The following CUL2 variants were observed in gnomAD, a reference collection of about 807,000 sequenced individuals.
CUL2 encodes the protein cullin-2.
Under a neutral mutation model 110.2 loss-of-function variants are expected in CUL2, and 22 were observed. That is an observed-to-expected ratio of 0.20 (90% CI 0.14 to 0.28). CUL2 has a LOEUF of 0.28. Ranked by LOEUF, CUL2 falls within the 10% of genes least tolerant of loss-of-function variation. The probability of loss-of-function intolerance (pLI) is 1.00; values close to 1 mark genes in which losing one functional copy is unlikely to be tolerated. For missense variants in CUL2, 631 were observed against 905.5 expected (o/e 0.70, Z 3.89); for synonymous variants, 279 against 293.2 (o/e 0.95, Z 0.49).
At chr10:35,035,884 CA>C (rs1256590636) in intron 9 of CUL2, among the ~76,000 whole-genome samples, 2 of 152,196 alleles carry the variant, frequency 1.3e-5, no homozygotes, top group Non-Finnish European at 2.9e-5. Flanking sequence ...AATGTGTTGC[CA>C]AATGTTTTGA....
chr10:35,086,504 C>A (rs2087068733), intron 1 of CUL2, among the ~76,000 whole-genome samples: 3 of 152,042 alleles, frequency 2.0e-5, no homozygotes, highest in Admixed American at 1.3e-4. Flanking sequence ...CCAAGCTGGT[C>A]TCAAGCTGCT....
intron 1 of CUL2, chr10:35,074,204 G>A: frequency 2.0e-6 from 3 of 1,535,408 alleles, no homozygotes; most frequent in Non-Finnish European, 2.6e-6. Flanking sequence ...AAGCCAAAAA[G>A]TTGACCATGT....
At chr10:35,043,328 T>G (rs996254733) in intron 8 of CUL2, among the ~76,000 whole-genome samples, 6 of 151,452 alleles carry the variant, frequency 4.0e-5, no homozygotes, top group African/African-American at 1.2e-4. Flanking sequence ...CAATAAGGGC[T>G]AAGAGCTTAG....
intron 5 of CUL2, among the ~76,000 whole-genome samples, chr10:35,050,796 T>C (rs1212383001): frequency 6.6e-6 from 1 of 152,258 alleles, no homozygotes; most frequent in Non-Finnish European, 1.5e-5. Flanking sequence ...GATTCCTGTA[T>C]GCATCATTTG....
intron 3 of CUL2, among the ~76,000 whole-genome samples, chr10:35,062,542 T>A (rs2134931360): frequency 6.6e-6 from 1 of 152,072 alleles, no homozygotes; most frequent in Admixed American, 6.6e-5. Context: ...GACTCAAAGA[T>A]CTTAATATGT....
intron 1 of CUL2, among the ~76,000 whole-genome samples, chr10:35,086,254 A>C (rs1002340829): frequency 6.6e-6 from 1 of 151,758 alleles, no homozygotes; most frequent in Non-Finnish European, 1.5e-5. Flanking sequence ...CCTAACACTT[A>C]GGGAGGCTGA....
At chr10:35,068,393 C>A (rs1174885429) in intron 2 of CUL2, among the ~76,000 whole-genome samples, 13 of 150,586 alleles carry the variant, frequency 8.6e-5, no homozygotes, top group Non-Finnish European at 1.8e-4. Context: ...CTATGCCTAA[C>A]AAAAAAAAGA....
At chr10:35,126,333 A>C (rs2087820903) in intron 1 of CUL2, among the ~76,000 whole-genome samples, 1 of 152,234 alleles carries the variant, frequency 6.6e-6, no homozygotes, top group African/African-American at 2.4e-5. Context: ...CAGGAGCTCA[A>C]GCTTCTTTTG....
chr10:35,087,260 G>A (rs959611182), intron 1 of CUL2, among the ~76,000 whole-genome samples: 3 of 152,038 alleles, frequency 2.0e-5, no homozygotes, highest in Non-Finnish European at 4.4e-5. Flanking sequence ...GTCTCACCAT[G>A]TTGCCCAGAC....
intron 18 of CUL2, among the ~76,000 whole-genome samples, chr10:35,014,877 A>G (rs375195582): frequency 5.9e-5 from 9 of 152,270 alleles, no homozygotes; most frequent in East Asian, 5.8e-4. Flanking sequence ...CAAACAAGGA[A>G]TCTATGTTTA....
intron 5 of CUL2, among the ~76,000 whole-genome samples, chr10:35,052,424 A>G (rs1046835975): frequency 1.3e-5 from 2 of 152,212 alleles, no homozygotes. Context: ...CACCCAGTCT[A>G]TAAAAAGTTC....
intron 12 of CUL2, 82 bp downstream of exon 12, chr10:35,032,353 C>A (rs994200788): frequency 1.3e-5 from 16 of 1,233,846 alleles, no homozygotes; most frequent in Middle Eastern, 1.9e-4. Flanking sequence ...GCTACAAAAA[C>A]CAAATTAATT....
chr10:35,114,112 C>T (rs1478350388), intron 1 of CUL2, among the ~76,000 whole-genome samples: 3 of 149,958 alleles, frequency 2.0e-5, no homozygotes, highest in Admixed American at 1.3e-4. Context: ...TTAGTTGAGA[C>T]GGGGTTTCAC....
chr10:35,047,753 C>T (rs1450257994), intron 6 of CUL2, among the ~76,000 whole-genome samples: 8 of 150,440 alleles, frequency 5.3e-5, no homozygotes, highest in African/African-American at 2.0e-4. Flanking sequence ...CCGGTCTCTA[C>T]TAAAAATACA....
At position 35,011,575 on chromosome 10, in the gene CUL2, G is replaced by C. The variant is rs376524340; in HGVS notation, c.2106+273C>G. On this transcript the variant is annotated intron_variant, in intron 20 of 20. Coordinates refer to ENST00000374749, the MANE Select transcript of CUL2 (RefSeq NM_003591.4). Reference sequence around the variant, plus strand: ...AGAGGTTGCAGTGAGCCAAGATCACGCCACTGTACTCCAGCCTGGGCGACA... The same window carrying C: ...AGAGGTTGCAGTGAGCCAAGATCACCCCACTGTACTCCAGCCTGGGCGACA... Among the ~76,000 whole-genome samples, 11 of 152,126 alleles carry C rather than the reference G, an allele frequency of 7.2e-5. No homozygotes were observed. In the East Asian group the frequency reaches 1.7e-3, roughly 24 times the overall value.
upstream of CUL2, among the ~76,000 whole-genome samples, chr10:35,093,888 A>G (rs72789689): frequency 0.14 from 20,535 of 151,954 alleles, 1,567 homozygotes; most frequent in South Asian, 0.2. Context: ...TTTTCCTCTG[A>G]TCAAATTTTT....
intron 4 of CUL2, among the ~76,000 whole-genome samples, chr10:35,060,399 A>G (rs556825909): frequency 6.6e-6 from 1 of 152,356 alleles, no homozygotes; most frequent in South Asian, 2.1e-4. Flanking sequence ...AACTACAAGT[A>G]ATTCAATATG....
At position 35,049,675 on chromosome 10, in the gene CUL2, G is replaced by T. The variant is rs762479566; in HGVS notation, c.506+8C>A. ...AATTGACTCAGTAAGATAAATGTCA[G>T]CACTCACTTTTTGATTTCTCGGAGC... is the stretch of plus-strand genomic sequence containing the variant. On this transcript the variant is annotated splice_region_variant and intron_variant, in intron 6 of 20. Coordinates refer to ENST00000374749, the MANE Select transcript of CUL2 (RefSeq NM_003591.4). The T allele has an allele frequency of 1.2e-6, 2 of 1,606,422 alleles. No individual in the cohort carries two copies. Among genetic ancestry groups the T allele is most frequent in the Admixed American group, 3.3e-5 (2 of 59,776 alleles).
intron 5 of CUL2, among the ~76,000 whole-genome samples, chr10:35,051,568 G>T (rs2086112799): frequency 6.6e-6 from 1 of 152,184 alleles, no homozygotes; most frequent in Admixed American, 6.5e-5. Flanking sequence ...AGCCGAGATC[G>T]TGCCACTGCA....
Sources: gnomAD v4.1 joint callset for allele counts (sites outside exome capture counted in the v4.1 genomes callset) on GRCh38, gnomAD v4.1.1 for gene constraint, MANE v1.5 for transcripts, NCBI Gene and HGNC (gene_info 2026-07-23, HGNC 2026-07-21) for gene names.